MEGF6: variants seen among roughly 807,000 people sequenced by gnomAD.
The protein encoded by MEGF6 is multiple epidermal growth factor-like domains protein 6.
Under a neutral mutation model 207.1 loss-of-function variants are expected in MEGF6, and 184 were observed. The observed-to-expected ratio is 0.89, with a 90% CI of 0.79 to 1.00. The LOEUF is 1.00. Among genes scored for constraint, MEGF6 ranks in the 50% least tolerant of loss-of-function variants. The pLI is 0.00. For missense variants in MEGF6, 2,282 were observed against 2,202.9 expected, an observed-to-expected ratio of 1.04 and a Z score of -0.72; for synonymous variants, 1,038 against 910.0, an observed-to-expected ratio of 1.14 and a Z score of -2.53.
chr1:3,620,389 G>A, the MEGF6 span, among the ~76,000 whole-genome samples: 1 of 152,266 alleles, frequency 6.6e-6, no homozygotes, highest in Non-Finnish European at 1.5e-5. Context: ...AGGCCCAGAG[G>A]CCTTGGGGGC....
At chr1:3,597,720 G>A (rs916199858) in intron 2 of MEGF6, among the ~76,000 whole-genome samples, 17 of 152,164 alleles carry the variant, frequency 1.1e-4, no homozygotes, top group Admixed American at 2.0e-4. Flanking sequence ...GAAGCTGGGG[G>A]CTGTGACAGA....
chr1:3,611,095 T>A (rs1644318414), intron 1 of MEGF6, 43 bp downstream of exon 1: 3 of 1,437,300 alleles, frequency 2.1e-6, no homozygotes, highest in Non-Finnish European at 1.8e-6. Flanking sequence ...GGCCCCGGGG[T>A]CCCTGGACGA....
chr1:3,553,746 G>A (rs1300760711), intron 4 of MEGF6, among the ~76,000 whole-genome samples: 1 of 152,214 alleles, frequency 6.6e-6, no homozygotes, highest in Non-Finnish European at 1.5e-5. Context: ...CCAGAGGAGA[G>A]GCAGGGCAGC....
intron 2 of MEGF6, among the ~76,000 whole-genome samples, chr1:3,597,008 T>C (rs373478414): frequency 4.6e-5 from 7 of 152,094 alleles, no homozygotes; most frequent in African/African-American, 1.7e-4. Flanking sequence ...AACCACCCGC[T>C]CCATGCCCCC....
intron 4 of MEGF6, among the ~76,000 whole-genome samples, chr1:3,537,602 T>C (rs1013084851): frequency 6.6e-6 from 1 of 152,148 alleles, no homozygotes; most frequent in African/African-American, 2.4e-5. Context: ...AGCTCACTCT[T>C]CCCCGCTCCC....
At chr1:3,598,797 G>T (rs1044874175) in intron 2 of MEGF6, among the ~76,000 whole-genome samples, 2 of 151,460 alleles carry the variant, frequency 1.3e-5, no homozygotes, top group Non-Finnish European at 2.9e-5. Flanking sequence ...AGGGAGTGTG[G>T]GCCTGGCAGG....
chr1:3,624,752 G>A, the MEGF6 span: 3 of 171,994 alleles, frequency 1.7e-5, no homozygotes, highest in Non-Finnish European at 3.7e-5. Context: ...CGACACCCTG[G>A]CAACCGGCTT....
chr1:3,571,881 C>T (rs1395086771), intron 4 of MEGF6, among the ~76,000 whole-genome samples: 30 of 142,812 alleles, frequency 2.1e-4, no homozygotes, highest in Middle Eastern at 8.3e-3. Context: ...CTGGGTCCTG[C>T]CAGGTGTGCT....
chr1:3,557,673 C>T (rs990149534), intron 4 of MEGF6, among the ~76,000 whole-genome samples: 2 of 152,224 alleles, frequency 1.3e-5, no homozygotes, highest in African/African-American at 2.4e-5. Flanking sequence ...GCCAGCGCTG[C>T]GGAGCACCGA....
intron 4 of MEGF6, among the ~76,000 whole-genome samples, chr1:3,553,538 T>C (rs1255777724): frequency 1.3e-5 from 2 of 152,120 alleles, no homozygotes; most frequent in Non-Finnish European, 2.9e-5. Context: ...TCAGAGATGG[T>C]GATCCCTGAG....
chr1:3,541,415 G>T (rs1311026366), intron 4 of MEGF6, among the ~76,000 whole-genome samples: 10 of 152,240 alleles, frequency 6.6e-5, no homozygotes, highest in Admixed American at 6.5e-4. Context: ...CTGGGTGGAG[G>T]CCCTGCCATG....
intron 30 of MEGF6, 146 bp downstream of exon 30, chr1:3,495,744 C>G: frequency 9.5e-7 from 1 of 1,053,684 alleles, no homozygotes; most frequent in Non-Finnish European, 1.3e-6. Context: ...GCACTCTCAT[C>G]TCAGCCCCAG....
chr1:3,498,538 C>A (rs771885859), intron 25 of MEGF6, 39 bp from the exon 26 acceptor site: 1 of 1,525,390 alleles, frequency 6.6e-7, no homozygotes, highest in Non-Finnish European at 8.8e-7. Context: ...GAGGGTCCTG[C>A]CTCCTGGGCC....
At chr1:3,536,404 G>C (rs1642330234) in intron 4 of MEGF6, among the ~76,000 whole-genome samples, 1 of 152,208 alleles carries the variant, frequency 6.6e-6, no homozygotes, top group Admixed American at 6.5e-5. Flanking sequence ...GGAAGAGCTG[G>C]AGTATAAATG....
At chr1:3,606,599 G>A (rs570027282) in intron 1 of MEGF6, among the ~76,000 whole-genome samples, 3 of 152,216 alleles carry the variant, frequency 2.0e-5, no homozygotes, top group Non-Finnish European at 4.4e-5. Context: ...CAGGAGGTGT[G>A]AGCTAGTGTT....
chr1:3,567,659 G>A (rs1643385051), intron 4 of MEGF6, among the ~76,000 whole-genome samples: 1 of 152,188 alleles, frequency 6.6e-6, no homozygotes, highest in African/African-American at 2.4e-5. Flanking sequence ...CACACCGTGG[G>A]CCCTCGGTCC....
Position 3,497,353 on chromosome 1 carries a change from G to A in MEGF6, c.3361C>T (p.Arg1121Trp), listed in dbSNP as rs370790156. The A allele has an allele frequency of 1.7e-4, 269 of 1,544,068 alleles. 2 individuals are homozygous for A. In the Middle Eastern group the frequency reaches 2.7e-3, roughly 16 times the overall value. The change falls in exon 27 of 37, where the codon CGG becomes TGG. Residue 1121 changes from arginine (R) to tryptophan (W), a missense_variant. By Grantham distance (101) the Arg-to-Trp change is moderately radical (BLOSUM62 -3). Transcript: ENST00000356575. Reference protein sequence around the residue: ...TGDKCQSPCLRGWFGEACAQR... With the variant: ...TGDKCQSPCLWGWFGEACAQR... ...GCACAGGCCTCTCCAAACCAGCCCC[G>A]CAGGCAGGCTGCAGAAAGATGAGGG...
chr1:3,539,820 G>C (rs938003965), intron 4 of MEGF6, among the ~76,000 whole-genome samples: 7 of 152,204 alleles, frequency 4.6e-5, no homozygotes, highest in Non-Finnish European at 1.0e-4. Context: ...CCCAACAGAT[G>C]GCTCCCGGGC....
Position 3,507,793 on chromosome 1 carries a change from A to G in MEGF6, c.1789+2T>C. ...AGAAGCACCAGAAGAGGCTGCACGC[A>G]CCATCCTCACAGTTAGTTCCACTGA... On this transcript the variant is annotated splice_donor_variant, in intron 14 of 36. Transcript: ENST00000356575. LOFTEE classifies it high-confidence loss of function. The G allele has an allele frequency of 6.2e-7, 1 of 1,612,716 alleles. No homozygotes were observed. The highest frequency in any genetic ancestry group is 1.1e-5 in the South Asian group (1 of 91,072).
Sources: allele counts gnomAD v4.1 joint callset (sites outside exome capture counted in the v4.1 genomes callset), GRCh38; gene constraint gnomAD v4.1.1; transcripts MANE v1.5; gene names NCBI Gene and HGNC (gene_info 2026-07-23, HGNC 2026-07-21).